The following SHOX variants were observed in gnomAD, a reference collection of about 807,000 sequenced individuals.
SHOX encodes short stature homeobox protein.
In SHOX, 12 loss-of-function variants were observed where a neutral mutation model predicts 29.6. The ratio of observed to expected loss-of-function variants is 0.41; its 90% CI spans 0.26 to 0.66. The LOEUF (loss-of-function observed/expected upper bound fraction) is 0.66. SHOX is among the 30% of genes least tolerant of loss of function. The pLI is 0.35. For synonymous variants in SHOX, 214 were observed against 200.6 expected, an observed-to-expected ratio of 1.07 and a Z score of -0.57; for missense variants, 499 against 437.7, an observed-to-expected ratio of 1.14 and a Z score of -1.25.
Position 644,850 on chromosome X carries a change from A to G in SHOX, c.*214A>G. On this transcript the variant is annotated 3_prime_UTR_variant, in exon 5 of 5. Coordinates refer to ENST00000686671, the MANE Select transcript of SHOX (RefSeq NM_000451.4). ...CTCGCGGAGATGGTGCAGAAGGCGG[A>G]GCGGGTGAGCGGCCGTGCGTCCAGC... 1.6e-6 allele frequency: 1 copy of G among 610,846 alleles called. No homozygotes were observed. The highest frequency in any genetic ancestry group is 2.5e-6 in the Non-Finnish European group (1 of 399,228). The allele number at this position is 610,846 out of a possible 1,614,324, so 37.8% of individuals were successfully genotyped here.
intron 2 of SHOX, among the ~76,000 whole-genome samples, chrX:639,018 C>G (rs1225525566): frequency 6.6e-6 from 1 of 152,078 alleles, no homozygotes; most frequent in Non-Finnish European, 1.5e-5. Context: ...TCCAGATTAC[C>G]AGGCATAGGC....
rs141648619 is a variant in SHOX at position 648,506 on chromosome X, G to A, written c.*3870G>A. Among the ~76,000 whole-genome samples, 1,513 of 152,340 alleles carry A rather than the reference G, an allele frequency of 9.9e-3. 19 individuals carry two copies. Among genetic ancestry groups the A allele is most frequent in the African/African-American group, 0.035 (1,440 of 41,570 alleles). ...TCCCTCGCAAAGTGCTGGGATTACA[G>A]GCGTGAGCCACCGCACCTGGCCTGA... On this transcript the variant is annotated 3_prime_UTR_variant, in exon 5 of 5. Transcript: ENST00000686671.
chrX:638,862 C>G (rs753797850), intron 2 of SHOX, among the ~76,000 whole-genome samples: 2 of 152,220 alleles, frequency 1.3e-5, no homozygotes, highest in African/African-American at 4.8e-5. Flanking sequence ...GCGGAGGACG[C>G]CTGTTCTCTG....
upstream of SHOX, among the ~76,000 whole-genome samples, chrX:627,587 T>G (rs73607254): frequency 0.043 from 6,611 of 152,310 alleles, 446 homozygotes; most frequent in African/African-American, 0.15. Flanking sequence ...TCAAAGCCAC[T>G]TGTCTGCAGT....
chrX:656,872 G>C (rs77725918), intron 5 of SHOX, among the ~76,000 whole-genome samples: 17,659 of 34,142 alleles, frequency 0.52, 3,382 homozygotes, highest in East Asian at 0.55. Flanking sequence ...TGCTGCCCAA[G>C]CTGTGTTTGC....
chrX:633,622 T>G (rs2052686999), intron 1 of SHOX, among the ~76,000 whole-genome samples: 2 of 152,042 alleles, frequency 1.3e-5, no homozygotes, highest in Admixed American at 1.3e-4. Flanking sequence ...CCTGTGCCCC[T>G]TTGAGACTGT....
chrX:655,269 G>A (rs1261808004), downstream of SHOX, among the ~76,000 whole-genome samples: 5 of 151,576 alleles, frequency 3.3e-5, no homozygotes, highest in African/African-American at 7.3e-5. Context: ...CACCACGCCC[G>A]GCTAATTTTT....
chrX:638,573 G>A (rs1294055211), intron 2 of SHOX, among the ~76,000 whole-genome samples: 4 of 152,190 alleles, frequency 2.6e-5, no homozygotes, highest in African/African-American at 4.8e-5. Context: ...AACAGGATCA[G>A]GTTCTCCAGG....
At position 645,390 on chromosome X, in the gene SHOX, A is replaced by ATTTTTTTTTTTTTTTTTTT. The variant is rs1168989193; in HGVS notation, c.*769_*787dup. 3.8e-5 allele frequency: 3 copies of ATTTTTTTTTTTTTTTTTTT among 78,332 alleles called. No homozygotes were observed. Among genetic ancestry groups the ATTTTTTTTTTTTTTTTTTT allele is most frequent in the Non-Finnish European group, 7.1e-5 (3 of 42,278 alleles). The allele number at this position is 78,332 out of a possible 1,614,324, so 4.9% of individuals were successfully genotyped here. ...GGGTCTGGTTTTGTTTTGGATTGGT[A>ATTTTTTTTTTTTTTTTTTT]TTTTTTTTTTTTTTTTTTTTTTTTT... is the stretch of plus-strand genomic sequence containing the variant. On this transcript the variant is annotated 3_prime_UTR_variant, in exon 5 of 5. Transcript: ENST00000686671.
downstream of SHOX, among the ~76,000 whole-genome samples, chrX:651,636 T>G (rs28689076): frequency 0.074 from 9,515 of 128,558 alleles, 431 homozygotes; most frequent in South Asian, 0.17. Context: ...AGGACAGGCT[T>G]ATTGGAAAAA....
At chrX:657,215 A>AGT (rs1186938484) in intron 5 of SHOX, among the ~76,000 whole-genome samples, 1 of 152,238 alleles carries the variant, frequency 6.6e-6, no homozygotes, top group African/African-American at 2.4e-5. Context: ...TGCATCGTGC[A>AGT]GTGACCTCTT....
At chrX:642,304 G>T (rs1179349382) in intron 4 of SHOX, among the ~76,000 whole-genome samples, 2 of 152,092 alleles carry the variant, frequency 1.3e-5, no homozygotes, top group Non-Finnish European at 2.9e-5. Context: ...CGGGCTTGGG[G>T]GGGGGGCTCT....
downstream of SHOX, among the ~76,000 whole-genome samples, chrX:653,348 C>T (rs2053094986): frequency 1.3e-5 from 2 of 152,158 alleles, no homozygotes; most frequent in African/African-American, 4.8e-5. Flanking sequence ...GAGACTCTGT[C>T]CCTTAGAAAT....
At chrX:658,996 C>G (rs1310076604) in exon 6 of SHOX, 1 of 165,038 alleles carries the variant, frequency 6.1e-6, no homozygotes, top group Non-Finnish European at 1.3e-5. Flanking sequence ...AACTCCTGAC[C>G]TCAGGTGATC....
At chrX:631,291 G>A (rs1431505102) in intron 1 of SHOX, 117 bp downstream of exon 1, 1 of 1,330,236 alleles carries the variant, frequency 7.5e-7, no homozygotes, top group Non-Finnish European at 1.1e-6. Context: ...CGTCTCGCCA[G>A]GGTAAGGCCC....
Position 624,886 on chromosome X carries a change from CTTT to C in SHOX, c.-433+285_-433+287del, listed in dbSNP as rs1230797129. On this transcript the variant is annotated intron_variant, in intron 1 of 5. Coordinates refer to the SHOX transcript ENST00000334060. ...CTTTTCTTTCTTTCTTTCTTTCTTT[CTTT>C]CTTTCTTTCTTTCTCTCTTCCTTTC... Among the ~76,000 whole-genome samples, 9 of 59,340 alleles carry C rather than the reference CTTT, an allele frequency of 1.5e-4. 1 individual carries two copies. The highest frequency in any genetic ancestry group is 8.7e-4 in the African/African-American group (8 of 9,230). The allele number at this position is 59,340 out of a possible 152,430, so 38.9% of individuals were successfully genotyped here.
rs1365543637 is a variant in SHOX, at chrX:649,221, T to C, written c.*4585T>C. Among the ~76,000 whole-genome samples, 2 of 152,002 alleles carry C rather than the reference T, an allele frequency of 1.3e-5. No individual in the cohort carries two copies. Among genetic ancestry groups the C allele is most frequent in the Non-Finnish European group, 2.9e-5 (2 of 67,998 alleles). ...CCCGGATAATTTTTGTATTTTTTAG[T>C]AGAGACCGGGTTTCGCCATGTTGGC... On this transcript the variant is annotated 3_prime_UTR_variant, in exon 5 of 5. Coordinates refer to ENST00000686671, the MANE Select transcript of SHOX (RefSeq NM_000451.4).
rs1046276829 is a variant in SHOX, at chrX:648,652, C to T, written c.*4016C>T. Among the ~76,000 whole-genome samples, 19 of 152,324 alleles carry T rather than the reference C, an allele frequency of 1.2e-4. No homozygotes were observed. Among genetic ancestry groups the T allele is most frequent in the African/African-American group, 3.4e-4 (14 of 41,578 alleles). ...AAATGGGTCCCCGAAGCAGATCAAA[C>T]GCAGAGAACTGTGAGGGTGGGACAC... On this transcript the variant is annotated 3_prime_UTR_variant, in exon 5 of 5. Transcript: ENST00000686671.
Position 649,934 on chromosome X carries a change from C to T in SHOX, c.*5298C>T, listed in dbSNP as rs1285776471. On this transcript the variant is annotated 3_prime_UTR_variant, in exon 5 of 5. Coordinates refer to ENST00000686671, the MANE Select transcript of SHOX (RefSeq NM_000451.4). ...TTCTCTCTCTTTTCTCTCTCTCTGACTGCGAAGCACCCACAGGGAGAAGGA... is the reference window on the plus strand; with the variant it reads ...TTCTCTCTCTTTTCTCTCTCTCTGATTGCGAAGCACCCACAGGGAGAAGGA... 1.1e-5 allele frequency: 5 copies of T among 455,984 alleles called. No individual in the cohort carries two copies. The highest frequency in any genetic ancestry group is 1.0e-4 in the African/African-American group (5 of 50,074). 28.2% of individuals were successfully genotyped at this position (455,984 alleles called of 1,614,324 possible).
Sources: allele counts gnomAD v4.1 joint callset (sites outside exome capture counted in the v4.1 genomes callset), GRCh38; gene constraint gnomAD v4.1.1; transcripts MANE v1.5; gene names NCBI Gene and HGNC (gene_info 2026-07-23, HGNC 2026-07-21).